Variants in LACTB observed in about 807,000 individuals in gnomAD.
LACTB encodes lactamase beta.
A neutral mutation model predicts 50.2 loss-of-function variants in LACTB; 35 were observed. The ratio of observed to expected loss-of-function variants is 0.70; its 90% CI spans 0.53 to 0.92. The LOEUF (loss-of-function observed/expected upper bound fraction) is 0.92, where lower values mean the gene tolerates loss of function less well. Ranked by LOEUF, LACTB falls within the 40% of genes least tolerant of loss-of-function variation. LACTB has a pLI of 0.00. For missense variants in LACTB, 664 were observed against 691.8 expected (o/e 0.96, Z 0.45); for synonymous variants, 252 against 268.2 (o/e 0.94, Z 0.59).
intron 1 of LACTB, 83 bp downstream of exon 1, chr15:63,122,311 C>G (rs1442497210): frequency 1.4e-5 from 18 of 1,241,566 alleles, no homozygotes; most frequent in Non-Finnish European, 9.8e-6. Context: ...TGGACCCCAC[C>G]CGGGGCGGCG....
rs1281616840 is a variant in LACTB at position 63,141,489 on chromosome 15, T to C, written c.1328T>C (p.Met443Thr). The change falls in exon 6 of 6, where the codon ATG (methionine) becomes ACG (threonine). Residue 443 changes from methionine to threonine, a missense_variant. Physicochemically the swap from Met to Thr is moderately conservative, Grantham distance 81 (BLOSUM62 -1). Coordinates refer to ENST00000261893, the MANE Select transcript of LACTB (RefSeq NM_032857.5). ...CTCAAACCAGAAACAATGGTTATGA[T>C]GTGGACCCCAGTCCCTAACACAGAG... Reference protein sequence around the residue: ...GYLKPETMVMMWTPVPNTEMS... With the variant: ...GYLKPETMVMTWTPVPNTEMS... The C allele has an allele frequency of 6.2e-7, 1 of 1,614,178 alleles. No individual in the cohort carries two copies. Among genetic ancestry groups the C allele is most frequent in the South Asian group, 1.1e-5 (1 of 91,088 alleles).
chr15:63,126,853 C>A lies in LACTB; in HGVS notation c.425-6C>A. The A allele has an allele frequency of 6.7e-7, 1 of 1,490,202 alleles. No individual in the cohort carries two copies. Among genetic ancestry groups the A allele is most frequent in the Non-Finnish European group, 9.0e-7 (1 of 1,110,436 alleles). 92.3% of individuals were successfully genotyped at this position (1,490,202 alleles called of 1,614,324 possible). A position where few individuals can be genotyped will look rare whatever the true frequency, so the allele number is the denominator to read the frequency against. On this transcript the variant is annotated splice_region_variant and splice_polypyrimidine_tract_variant and intron_variant, in intron 2 of 5. Transcript: ENST00000261893. ...AATAGTGACTTTTTGCTTTTTTCCC[C>A]CAAAGGTTTAGGTTATGCTGATGTT...
Position 63,129,536 on chromosome 15 carries a change from T to C in LACTB, c.1004T>C (p.Val335Ala). The change falls in exon 5 of 6, where the codon GTA becomes GCA. Residue 335 changes from valine to alanine, a missense_variant. Val to Ala is a moderately conservative substitution (Grantham distance 64). Transcript: ENST00000261893. ...GGCTATACCCTACTGGCAGCCATAGTAGAGAGAGCTTCAGGATGTAAATAT... is the reference window on the plus strand; with the variant it reads ...GGCTATACCCTACTGGCAGCCATAGCAGAGAGAGCTTCAGGATGTAAATAT... The part of the protein sequence containing the change: ...TFGYTLLAAI[V>A]ERASGCKYLD... 6.2e-7 allele frequency: 1 copy of C among 1,613,200 alleles called. No individual in the cohort carries two copies. The highest frequency in any genetic ancestry group is 8.5e-7 in the Non-Finnish European group (1 of 1,179,506).
intron 2 of LACTB, 92 bp downstream of exon 2, chr15:63,122,794 C>T (rs1378067327): frequency 2.3e-6 from 2 of 856,498 alleles, no homozygotes; most frequent in East Asian, 2.5e-5. Context: ...AATGCTATTG[C>T]ATTTACATAA....
chr15:63,124,048 G>A (rs1165055818), intron 2 of LACTB, among the ~76,000 whole-genome samples: 1 of 152,018 alleles, frequency 6.6e-6, no homozygotes, highest in Admixed American at 6.6e-5. Flanking sequence ...TTTTCTTGAC[G>A]CTCTTCGCTA....
intron 1 of LACTB, chr15:63,122,434 G>C: frequency 3.0e-6 from 2 of 673,828 alleles, no homozygotes; most frequent in South Asian, 1.8e-5. Flanking sequence ...CCTGTCTCGG[G>C]GACCGCCCCT....
chr15:63,136,170 T>C (rs1031933708), intron 5 of LACTB, among the ~76,000 whole-genome samples: 1 of 152,022 alleles, frequency 6.6e-6, no homozygotes, highest in Non-Finnish European at 1.5e-5. Context: ...GCCTTCCAAG[T>C]AGCTGGAACT....
intron 1 of LACTB, 136 bp from the exon 2 acceptor site, chr15:63,122,500 G>T: frequency 1.3e-6 from 1 of 791,504 alleles, no homozygotes; most frequent in Non-Finnish European, 2.2e-6. Context: ...ACCATGGCCT[G>T]GGACGAGGTG....
chr15:63,124,992 G>T (rs1035536403), intron 2 of LACTB, among the ~76,000 whole-genome samples: 1 of 151,670 alleles, frequency 6.6e-6, no homozygotes, highest in Non-Finnish European at 1.5e-5. Flanking sequence ...CCATTTAAAG[G>T]CAGTAAGTTG....
Position 63,127,533 on chromosome 15 carries a change from A to G in LACTB, c.796A>G (p.Lys266Glu). Reference protein sequence around the residue: ...SNEKNDFTKFKTEQENEAKCR... With the variant: ...SNEKNDFTKFETEQENEAKCR... The stretch of plus-strand genomic sequence containing the variant: ...TGAAAAGAATGATTTTACTAAATTT[A>G]AAACAGAGCAGGAGAATGAAGCCAA... Residue 266 changes from lysine (K) to glutamate (E), a missense_variant, in exon 4 of 6, where the codon AAA (lysine) becomes GAA (glutamate). Physicochemically the swap from Lys to Glu is moderately conservative, Grantham distance 56. Transcript: ENST00000261893. The G allele has an allele frequency of 6.2e-7, 1 of 1,613,838 alleles. No homozygotes were observed.
Position 63,141,488 on chromosome 15 carries a change from A to T in LACTB, c.1327A>T (p.Met443Leu). 1 of 1,614,208 alleles carries T rather than the reference A, an allele frequency of 6.2e-7. No homozygotes were observed. The highest frequency in any genetic ancestry group is 8.5e-7 in the Non-Finnish European group (1 of 1,180,010). ...CCTCAAACCAGAAACAATGGTTATG[A>T]TGTGGACCCCAGTCCCTAACACAGA... ...GYLKPETMVM[M>L]WTPVPNTEMS... The change falls in exon 6 of 6, where the codon ATG becomes TTG. Residue 443 changes from methionine (M) to leucine (L), a missense_variant. Coordinates refer to ENST00000261893, the MANE Select transcript of LACTB (RefSeq NM_032857.5).
chr15:63,135,117 T>C (rs1452175544), intron 5 of LACTB, among the ~76,000 whole-genome samples: 1 of 152,220 alleles, frequency 6.6e-6, no homozygotes, highest in Non-Finnish European at 1.5e-5. Context: ...CATTAGTACA[T>C]GCTTTACAAA....
chr15:63,125,931 T>G (rs927089065), intron 2 of LACTB: 1 of 151,620 alleles, frequency 6.6e-6, no homozygotes, highest in South Asian at 2.1e-4. Context: ...CTCGAAATCC[T>G]GAGCTCAAGT....
chr15:63,131,127 C>T (rs1374878317), intron 5 of LACTB: 1 of 152,272 alleles, frequency 6.6e-6, no homozygotes, highest in Non-Finnish European at 1.5e-5. Flanking sequence ...CCCATCTCTA[C>T]TGAAAATACA....
intron 3 of LACTB, 148 bp from the exon 4 acceptor site, chr15:63,127,205 T>G: frequency 2.1e-6 from 2 of 941,416 alleles, no homozygotes; most frequent in Non-Finnish European, 3.1e-6. Context: ...TAGGTATTTT[T>G]CTGAAATTTG....
At chr15:63,124,108 G>A (rs2037016473) in intron 2 of LACTB, among the ~76,000 whole-genome samples, 1 of 152,166 alleles carries the variant, frequency 6.6e-6, no homozygotes, top group South Asian at 2.1e-4. Context: ...AGATGCTGGC[G>A]TTACCGCTAG....
intron 5 of LACTB, chr15:63,130,503 A>G (rs188547979): frequency 1.5e-5 from 2 of 129,534 alleles, no homozygotes; most frequent in Non-Finnish European, 3.2e-5. Flanking sequence ...GTGAGACTCC[A>G]TGTCAAAAAA....
At chr15:63,137,922 A>G (rs900077441) in intron 5 of LACTB, among the ~76,000 whole-genome samples, 4 of 152,264 alleles carry the variant, frequency 2.6e-5, no homozygotes, top group Non-Finnish European at 5.9e-5. Context: ...ACTAAATGTT[A>G]AAGTGGGATT....
In LACTB at chr15:63,141,265, C is replaced by A. The variant is rs1226595990; in HGVS notation, c.1119-15C>A. On this transcript the variant is annotated splice_polypyrimidine_tract_variant and intron_variant, in intron 5 of 5. Transcript: ENST00000261893. ...ACTATGAAATTTTTCATGATCATTT[C>A]TTATTTCCTTTTAGATTTTATGTTT... 34 of 1,572,048 alleles carry A rather than the reference C, an allele frequency of 2.2e-5. No homozygotes were observed. The highest frequency in any genetic ancestry group is 1.7e-4 in the Middle Eastern group (1 of 5,844).
Sources: gnomAD v4.1 joint callset for allele counts (sites outside exome capture counted in the v4.1 genomes callset) on GRCh38, gnomAD v4.1.1 for gene constraint, MANE v1.5 for transcripts, NCBI Gene and HGNC (gene_info 2026-07-23, HGNC 2026-07-21) for gene names.